RNF220: variants seen among roughly 807,000 people sequenced by gnomAD.
RNF220 encodes ring finger protein 220.
RNF220 carries 7 observed loss-of-function variants against 67.1 expected under a neutral mutation model. The observed-to-expected ratio is 0.10, with a 90% CI of 0.06 to 0.20. The LOEUF is 0.20. Among genes scored for constraint, RNF220 ranks in the 10% least tolerant of loss-of-function variants. The pLI is 1.00. For synonymous variants in RNF220, 270 were observed against 283.2 expected, an observed-to-expected ratio of 0.95 and a Z score of 0.47; for missense variants, 565 against 740.3, an observed-to-expected ratio of 0.76 and a Z score of 2.75.
chr1:44,619,319 A>G (rs906132443), intron 3 of RNF220, among the ~76,000 whole-genome samples: 1 of 152,220 alleles, frequency 6.6e-6, no homozygotes, highest in Non-Finnish European at 1.5e-5. Flanking sequence ...AAAAGGGCTC[A>G]AAGAAGCCAG....
intron 2 of RNF220, among the ~76,000 whole-genome samples, chr1:44,552,714 G>T (rs1662755743): frequency 6.6e-6 from 1 of 151,586 alleles, no homozygotes; most frequent in Non-Finnish European, 1.5e-5. Context: ...GGGACTACGG[G>T]CACCCGCCAC....
At chr1:44,442,647 T>C (rs987347970) in intron 2 of RNF220, among the ~76,000 whole-genome samples, 1 of 152,028 alleles carries the variant, frequency 6.6e-6, no homozygotes, top group South Asian at 2.1e-4. Context: ...CCTGAGTAGC[T>C]GGAGTTACCG....
chr1:44,638,666 G>C (rs1381055659), intron 8 of RNF220, among the ~76,000 whole-genome samples: 1 of 152,156 alleles, frequency 6.6e-6, no homozygotes, highest in Non-Finnish European at 1.5e-5. Context: ...GAACGGGCAA[G>C]AGTTTCGGTG....
At chr1:44,640,553 C>T (rs1557471835) in intron 8 of RNF220, among the ~76,000 whole-genome samples, 2 of 152,316 alleles carry the variant, frequency 1.3e-5, no homozygotes, top group Admixed American at 6.5e-5. Context: ...TTTTAAACGG[C>T]GTCTGTCTCT....
intron 2 of RNF220, among the ~76,000 whole-genome samples, chr1:44,451,357 T>C (rs1296327637): frequency 1.3e-5 from 2 of 152,220 alleles, no homozygotes; most frequent in Non-Finnish European, 2.9e-5. Flanking sequence ...CTTTTATAGA[T>C]TTTCTGTGGC....
At chr1:44,504,667 T>C (rs912132502) in intron 2 of RNF220, among the ~76,000 whole-genome samples, 2 of 152,196 alleles carry the variant, frequency 1.3e-5, no homozygotes, top group Non-Finnish European at 2.9e-5. Flanking sequence ...TCTGATTTTG[T>C]AAGCAGCTTC....
chr1:44,481,772 TAGC>T (rs1366208301), intron 2 of RNF220, among the ~76,000 whole-genome samples: 1 of 152,160 alleles, frequency 6.6e-6, no homozygotes, highest in South Asian at 2.1e-4. Context: ...TGAGAGAAGA[TAGC>T]AGTGCATGTG....
At chr1:44,407,549 G>T (rs564625226) in intron 1 of RNF220, among the ~76,000 whole-genome samples, 2 of 152,138 alleles carry the variant, frequency 1.3e-5, no homozygotes, top group Non-Finnish European at 2.9e-5. Flanking sequence ...GGCAAGGCTG[G>T]GGAAGGCCGA....
chr1:44,586,221 A>C (rs1487841911), intron 2 of RNF220, among the ~76,000 whole-genome samples: 1 of 152,250 alleles, frequency 6.6e-6, no homozygotes, highest in Non-Finnish European at 1.5e-5. Context: ...GTGACAATGG[A>C]GAGTCCAAAT....
At chr1:44,630,905 G>A (rs566806931) in intron 5 of RNF220, among the ~76,000 whole-genome samples, 18 of 152,362 alleles carry the variant, frequency 1.2e-4, no homozygotes, top group Admixed American at 2.6e-4. Context: ...AGGATTTAAA[G>A]AAGGAGAGGG....
At chr1:44,465,977 A>G (rs541779282) in intron 2 of RNF220, among the ~76,000 whole-genome samples, 3 of 152,210 alleles carry the variant, frequency 2.0e-5, no homozygotes, top group Non-Finnish European at 4.4e-5. Context: ...TGAGACAACA[A>G]TGAAGTTTGC....
intron 2 of RNF220, among the ~76,000 whole-genome samples, chr1:44,557,397 A>C (rs1663196199): frequency 6.7e-6 from 1 of 150,312 alleles, no homozygotes; most frequent in Admixed American, 6.7e-5. Context: ...GAAGGAAAGA[A>C]AGAGAGAGAG....
intron 2 of RNF220, among the ~76,000 whole-genome samples, chr1:44,482,054 A>T: frequency 6.6e-6 from 1 of 152,234 alleles, no homozygotes; most frequent in Non-Finnish European, 1.5e-5. Context: ...GAAGTTCTGC[A>T]TGCAGTACTT....
intron 2 of RNF220, among the ~76,000 whole-genome samples, chr1:44,544,289 A>T (rs1661935993): frequency 6.6e-6 from 1 of 152,196 alleles, no homozygotes; most frequent in African/African-American, 2.4e-5. Context: ...CTGAGGCTGT[A>T]GATTATAGTG....
intron 2 of RNF220, among the ~76,000 whole-genome samples, chr1:44,516,534 G>T (rs921198128): frequency 3.3e-5 from 5 of 152,168 alleles, no homozygotes; most frequent in Non-Finnish European, 5.9e-5. Context: ...CAGCTTCTAA[G>T]AAATTTGCTG....
At chr1:44,416,660 C>T (rs1487710421) in intron 2 of RNF220, among the ~76,000 whole-genome samples, 3 of 152,242 alleles carry the variant, frequency 2.0e-5, no homozygotes, top group African/African-American at 7.2e-5. Context: ...GGAGCGGCGA[C>T]TGGCCCTGTC....
intron 2 of RNF220, among the ~76,000 whole-genome samples, chr1:44,505,302 A>G (rs1472954892): frequency 1.3e-5 from 2 of 152,226 alleles, no homozygotes; most frequent in Non-Finnish European, 2.9e-5. Flanking sequence ...GGCCAAGTCC[A>G]CGAGCTTTGT....
At chr1:44,469,138 A>G (rs116564659) in intron 2 of RNF220, among the ~76,000 whole-genome samples, 2,018 of 152,298 alleles carry the variant, frequency 0.013, 43 homozygotes, top group African/African-American at 0.046. Context: ...AAAGATGCCT[A>G]ATTTATATAT....
chr1:44,414,047 A>G (rs780107225), intron 2 of RNF220, among the ~76,000 whole-genome samples: 16 of 152,244 alleles, frequency 1.1e-4, no homozygotes, highest in Non-Finnish European at 1.8e-4. Context: ...AGCCTCTGTA[A>G]GCCGGAGACC....
Sources: allele counts gnomAD v4.1 joint callset (sites outside exome capture counted in the v4.1 genomes callset), GRCh38; gene constraint gnomAD v4.1.1; transcripts MANE v1.5; gene names NCBI Gene and HGNC (gene_info 2026-07-23, HGNC 2026-07-21).